ARL5B: variants seen among roughly 807,000 people sequenced by gnomAD.
ARL5B encodes ADP-ribosylation factor-like protein 5B.
Under a neutral mutation model 26.9 loss-of-function variants are expected in ARL5B, and 10 were observed. That is an observed-to-expected ratio of 0.37 (90% CI 0.23 to 0.63). ARL5B has a LOEUF of 0.63. ARL5B is among the 30% of genes least tolerant of loss of function. The pLI is 0.62. For synonymous variants in ARL5B, 87 were observed against 70.4 expected (o/e 1.24, Z -1.18); for missense variants, 167 against 213.9 (o/e 0.78, Z 1.37).
Position 18,674,004 on chromosome 10 carries a change from C to G in ARL5B, c.360C>G (p.Val120=). Residue 120 remains valine, a synonymous_variant, in exon 5 of 6, where the codon GTC becomes GTG. Coordinates refer to ENST00000377275, the MANE Select transcript of ARL5B (RefSeq NM_178815.5). ...TGCAGGATTTACGGAAGGCTGCAGT[C>G]CTTATCTTTGCAAATAAACAGGATA... ...LAHEDLRKAA[V]LIFANKQDMK... is the part of the protein sequence containing the mutation. 1 of 1,610,174 alleles carries G rather than the reference C, an allele frequency of 6.2e-7. No individual in the cohort carries two copies. The highest frequency in any genetic ancestry group is 8.5e-7 in the Non-Finnish European group (1 of 1,178,482).
Position 18,674,064 on chromosome 10 carries a change from A to G in ARL5B, c.420A>G (p.Lys140=), listed in dbSNP as rs2059899849. Residue 140 remains lysine (K), a synonymous_variant, in exon 5 of 6, where the codon AAA becomes AAG. Coordinates refer to ENST00000377275, the MANE Select transcript of ARL5B (RefSeq NM_178815.5). ...KGCMTAAEIS[K]YLTLSSIKDH... Reference sequence around the variant, plus strand: ...GTATGACAGCAGCTGAAATCTCGAAATACCTCACCCTTAGTTCAATTAAGG... The same window carrying G: ...GTATGACAGCAGCTGAAATCTCGAAGTACCTCACCCTTAGTTCAATTAAGG... 1.2e-6 allele frequency: 2 copies of G among 1,613,158 alleles called. No homozygotes were observed. Among genetic ancestry groups the G allele is most frequent in the African/African-American group, 1.3e-5 (1 of 74,858 alleles).
chr10:18,662,325 T>C (rs1263059419), intron 1 of ARL5B, among the ~76,000 whole-genome samples: 2 of 152,230 alleles, frequency 1.3e-5, no homozygotes, highest in African/African-American at 4.8e-5. Context: ...ATCCTTTTTT[T>C]TCCTGTAGCA....
Position 18,674,100 on chromosome 10 carries a change from G to A in ARL5B, c.456G>A (p.Trp152Ter), listed in dbSNP as rs1435285854. The A allele has an allele frequency of 6.2e-7, 1 of 1,612,394 alleles. No individual in the cohort carries two copies. Residue 152 changes from tryptophan (W) to a stop codon, truncating the protein, a stop_gained, in exon 5 of 6, where the codon TGG becomes TGA. Transcript: ENST00000377275. LOFTEE classifies it high-confidence loss of function. Reference protein sequence around the residue: ...LTLSSIKDHPWHIQSCCALTG... With the variant: ...LTLSSIKDHP Reference sequence around the variant, plus strand: ...TTAGTTCAATTAAGGATCATCCATGGCACATTCAATCCTGCTGTGCTCTCA... The same window carrying A: ...TTAGTTCAATTAAGGATCATCCATGACACATTCAATCCTGCTGTGCTCTCA...
intron 1 of ARL5B, among the ~76,000 whole-genome samples, chr10:18,662,158 C>A (rs77827646): frequency 0.048 from 7,370 of 152,266 alleles, 270 homozygotes; most frequent in Non-Finnish European, 0.077. Flanking sequence ...GAATAACAGG[C>A]CCAAAGCGCC....
intron 1 of ARL5B, among the ~76,000 whole-genome samples, chr10:18,663,473 T>G (rs777222240): frequency 1.2e-4 from 18 of 152,280 alleles, no homozygotes; most frequent in Non-Finnish European, 1.9e-4. Flanking sequence ...TGCGTATGAT[T>G]ATTGTCCTTT....
rs777921809 is a variant in ARL5B, at chr10:18,679,507, A to G, written c.*4291A>G. The G allele has an allele frequency of 3.3e-5, 5 of 151,898 alleles. No homozygotes were observed. Among genetic ancestry groups the G allele is most frequent in the African/African-American group, 4.8e-5 (2 of 41,420 alleles). The allele number at this position is 151,898 out of a possible 1,614,324, so 9.4% of individuals were successfully genotyped here. A position where few individuals can be genotyped will look rare whatever the true frequency, so the allele number is the denominator to read the frequency against. ...AGTAGCGTCTCCTCCTTATTCATTCACTTTTACTGTGAAGACTGAAATCCA... is the reference window on the plus strand; with the variant it reads ...AGTAGCGTCTCCTCCTTATTCATTCGCTTTTACTGTGAAGACTGAAATCCA... On this transcript the variant is annotated 3_prime_UTR_variant, in exon 6 of 6. Transcript: ENST00000377275.
Position 18,679,149 on chromosome 10 carries a change from A to G in ARL5B, c.*3933A>G, listed in dbSNP as rs2059922553. 6.6e-6 allele frequency: 1 copy of G among 151,962 alleles called. No homozygotes were observed. Among genetic ancestry groups the G allele is most frequent in the South Asian group, 2.1e-4 (1 of 4,830 alleles). The allele number at this position is 151,962 out of a possible 1,614,324, so 9.4% of individuals were successfully genotyped here. On this transcript the variant is annotated 3_prime_UTR_variant, in exon 6 of 6. Coordinates refer to ENST00000377275, the MANE Select transcript of ARL5B (RefSeq NM_178815.5). ...TATTCAACTTAAATTCAGCGAATTA[A>G]TAGCTGAATAGAAATAGCTAATGAC...
intron 1 of ARL5B, 38 bp from the exon 2 acceptor site, chr10:18,666,537 G>A (rs752513361): frequency 1.9e-5 from 28 of 1,505,558 alleles, no homozygotes; most frequent in Non-Finnish European, 2.6e-5. Flanking sequence ...CAGTAATGCA[G>A]TAGTGTTAAA....
At chr10:18,664,161 C>A (rs1488738207) in intron 1 of ARL5B, among the ~76,000 whole-genome samples, 1 of 151,646 alleles carries the variant, frequency 6.6e-6, no homozygotes, top group Non-Finnish European at 1.5e-5. Context: ...ACCAAATTAG[C>A]CAGGTTGGTC....
At chr10:18,672,151 G>A (rs140179853) in intron 3 of ARL5B, among the ~76,000 whole-genome samples, 237 of 152,244 alleles carry the variant, frequency 1.6e-3, no homozygotes, top group African/African-American at 5.6e-3. Flanking sequence ...TTTTTAAAAT[G>A]CATTTATCTT....
chr10:18,672,903 A>G (rs750036377), intron 4 of ARL5B, among the ~76,000 whole-genome samples, 198 bp downstream of exon 4: 4 of 152,178 alleles, frequency 2.6e-5, no homozygotes, highest in Non-Finnish European at 5.9e-5. Context: ...CTAACACATT[A>G]ATTTGTAGAT....
chr10:18,662,114 ATATT>A lies in ARL5B; in HGVS notation c.46+2435_46+2438del, dbSNP rs1423616305. On this transcript the variant is annotated intron_variant, in intron 1 of 5. Transcript: ENST00000377275. ...CTCAGCATTTTCCATTTTTGTAACTATATTTATCTATTCCAGTGGAATTAGATAT... is the reference window on the plus strand; with the variant it reads ...CTCAGCATTTTCCATTTTTGTAACTATATCTATTCCAGTGGAATTAGATAT... 1.1e-4 allele frequency among the ~76,000 whole-genome samples: 17 copies of A among 152,352 alleles called. No individual in the cohort carries two copies. The East Asian group carries it at 3.1e-3, about 28-fold the overall frequency.
intron 4 of ARL5B, among the ~76,000 whole-genome samples, chr10:18,672,993 A>G (rs2059894538): frequency 6.6e-6 from 1 of 152,202 alleles, no homozygotes; most frequent in African/African-American, 2.4e-5. Flanking sequence ...TGAGATAAGC[A>G]AAAGGAAAAC....
Position 18,678,081 on chromosome 10 carries a change from T to C in ARL5B, c.*2865T>C, listed in dbSNP as rs1049439976. 2.6e-5 allele frequency: 4 copies of C among 151,770 alleles called. No homozygotes were observed. Among genetic ancestry groups the C allele is most frequent in the East Asian group, 1.9e-4 (1 of 5,200 alleles). 9.4% of individuals were successfully genotyped at this position (151,770 alleles called of 1,614,324 possible). A position where few individuals can be genotyped will look rare whatever the true frequency, so the allele number is the denominator to read the frequency against. On this transcript the variant is annotated 3_prime_UTR_variant, in exon 6 of 6. Coordinates refer to ENST00000377275, the MANE Select transcript of ARL5B (RefSeq NM_178815.5). ...TTATTGAAGCCCATTTGAGAACTCT[T>C]AGAATTAATAGAACCTTTTATAAGG...
rs1387416395 is a variant in ARL5B at position 18,676,988 on chromosome 10, A to G, written c.*1772A>G. On this transcript the variant is annotated 3_prime_UTR_variant, in exon 6 of 6. Transcript: ENST00000377275. ...GTTTTTAATATAACCCATAATCAAG[A>G]ACATGAGCGAAAAGCAGACATAAAT... The G allele has an allele frequency of 1.3e-5, 2 of 152,304 alleles. No individual in the cohort carries two copies. Among genetic ancestry groups the G allele is most frequent in the African/African-American group, 4.8e-5 (2 of 41,386 alleles). 9.4% of individuals were successfully genotyped at this position (152,304 alleles called of 1,614,324 possible). A position where few individuals can be genotyped will look rare whatever the true frequency, so the allele number is the denominator to read the frequency against.
intron 3 of ARL5B, among the ~76,000 whole-genome samples, chr10:18,669,872 A>T (rs1439457995): frequency 6.6e-6 from 1 of 151,758 alleles, no homozygotes; most frequent in Non-Finnish European, 1.5e-5. Flanking sequence ...GCAGACTTGT[A>T]GTCCCCAGCT....
chr10:18,659,531 A>T lies in ARL5B; in HGVS notation c.-107A>T. On this transcript the variant is annotated 5_prime_UTR_variant, in exon 1 of 6. Transcript: ENST00000377275. ...GGCCTAGCAGTGCCCTCGCTGCGCGATCTCAGGCGGGTTCTCCTCGGCTCC... is the reference window on the plus strand; with the variant it reads ...GGCCTAGCAGTGCCCTCGCTGCGCGTTCTCAGGCGGGTTCTCCTCGGCTCC... The T allele has an allele frequency of 7.2e-7, 1 of 1,394,348 alleles. No individual in the cohort carries two copies. The highest frequency in any genetic ancestry group is 1.5e-5 in the South Asian group (1 of 67,894). 86.4% of individuals were successfully genotyped at this position (1,394,348 alleles called of 1,614,324 possible).
rs760201979 is a variant in ARL5B at position 18,668,694 on chromosome 10, T to G, written c.255+17T>G. 6.2e-7 allele frequency: 1 copy of G among 1,610,500 alleles called. No homozygotes were observed. The highest frequency in any genetic ancestry group is 1.1e-5 in the South Asian group (1 of 90,540). On this transcript the variant is annotated intron_variant, in intron 3 of 5. Coordinates refer to ENST00000377275, the MANE Select transcript of ARL5B (RefSeq NM_178815.5). The stretch of plus-strand genomic sequence containing the variant: ...AATACAGAGGTATGCTAAGATGAAT[T>G]TTGAATTTTAATCCAAAGGTCCCTA...
At position 18,676,755 on chromosome 10, in the gene ARL5B, G is replaced by C. The variant is rs1319455424; in HGVS notation, c.*1539G>C. The C allele has an allele frequency of 6.6e-6, 1 of 150,992 alleles. No individual in the cohort carries two copies. Among genetic ancestry groups the C allele is most frequent in the Non-Finnish European group, 1.5e-5 (1 of 67,596 alleles). 9.4% of individuals were successfully genotyped at this position (150,992 alleles called of 1,614,324 possible). A position where few individuals can be genotyped will look rare whatever the true frequency, so the allele number is the denominator to read the frequency against. On this transcript the variant is annotated 3_prime_UTR_variant, in exon 6 of 6. Transcript: ENST00000377275. ...TGATTTAAATTTTGCTCTTTTTTCA[G>C]GTGTGCTTGGTTTATTATATTTAGT... is the stretch of plus-strand genomic sequence containing the variant.
Sources: allele counts gnomAD v4.1 joint callset (sites outside exome capture counted in the v4.1 genomes callset), GRCh38; gene constraint gnomAD v4.1.1; transcripts MANE v1.5; gene names NCBI Gene and HGNC (gene_info 2026-07-23, HGNC 2026-07-21).